The following RARB variants were observed in gnomAD, a reference collection of about 807,000 sequenced individuals.
RARB encodes the protein retinoic acid receptor beta.
A neutral mutation model predicts 51.9 loss-of-function variants in RARB; 17 were observed. That is an observed-to-expected ratio of 0.33 (90% CI 0.22 to 0.49). The LOEUF (loss-of-function observed/expected upper bound fraction) is 0.49, where lower values mean the gene tolerates loss of function less well. Ranked by LOEUF, RARB falls within the 20% of genes least tolerant of loss-of-function variation. The pLI is 0.99. For synonymous variants in RARB, 215 were observed against 195.4 expected (o/e 1.10, Z -0.84); for missense variants, 369 against 550.8 (o/e 0.67, Z 3.30).
chr3:25,504,147 T>A (rs1238754489), intron 3 of RARB, among the ~76,000 whole-genome samples: 1 of 152,238 alleles, frequency 6.6e-6, no homozygotes, highest in East Asian at 1.9e-4. Flanking sequence ...TCTACGCATG[T>A]CACTGAACAG....
At chr3:25,350,215 T>G (rs1705520203) in intron 5 of RARB, among the ~76,000 whole-genome samples, 1 of 152,170 alleles carries the variant, frequency 6.6e-6, no homozygotes, top group Non-Finnish European at 1.5e-5. Flanking sequence ...CACAGGGGCA[T>G]GGACACCAGC....
At chr3:25,349,199 T>C (rs1348514698) in intron 5 of RARB, among the ~76,000 whole-genome samples, 1 of 152,210 alleles carries the variant, frequency 6.6e-6, no homozygotes, top group Non-Finnish European at 1.5e-5. Context: ...TGACAGTGAC[T>C]TGCACTACCT....
chr3:25,238,433 A>G (rs1000807014), intron 5 of RARB, among the ~76,000 whole-genome samples: 9 of 152,176 alleles, frequency 5.9e-5, no homozygotes, highest in African/African-American at 2.2e-4. Context: ...AAATGATTCC[A>G]TATCTTTGAT....
At chr3:25,589,834 G>A (rs932909921) in intron 5 of RARB, among the ~76,000 whole-genome samples, 35 of 152,224 alleles carry the variant, frequency 2.3e-4, no homozygotes, top group Admixed American at 5.9e-4. Flanking sequence ...TACCCATCTC[G>A]TGGGGCCTGC....
At chr3:24,875,222 T>G (rs971809646) in intron 2 of RARB, among the ~76,000 whole-genome samples, 1 of 152,182 alleles carries the variant, frequency 6.6e-6, no homozygotes, top group Non-Finnish European at 1.5e-5. Context: ...ATATTTTTAG[T>G]GAACCAACTG....
chr3:25,283,620 C>T (rs995616633), intron 5 of RARB, among the ~76,000 whole-genome samples: 1 of 152,200 alleles, frequency 6.6e-6, no homozygotes, highest in Non-Finnish European at 1.5e-5. Context: ...GTCAGACTGA[C>T]TGTTTCTCTC....
chr3:25,501,443 A>C, intron 3 of RARB, 120 bp downstream of exon 3: 1 of 1,215,200 alleles, frequency 8.2e-7, no homozygotes, highest in South Asian at 1.5e-5. Flanking sequence ...GGTAGGTGTG[A>C]ATAGAGATGA....
intron 1 of RARB, among the ~76,000 whole-genome samples, chr3:24,843,776 C>G (rs1455769133): frequency 6.6e-6 from 1 of 152,114 alleles, no homozygotes; most frequent in Non-Finnish European, 1.5e-5. Context: ...AATTCGTGTG[C>G]ACAGCCAAGT....
At chr3:25,251,472 A>T (rs575810243) in intron 5 of RARB, among the ~76,000 whole-genome samples, 1 of 152,262 alleles carries the variant, frequency 6.6e-6, no homozygotes, top group East Asian at 1.9e-4. Context: ...AATAAATTTT[A>T]CATTCTTGTT....
intron 3 of RARB, among the ~76,000 whole-genome samples, chr3:25,101,835 T>A (rs932636670): frequency 1.3e-5 from 2 of 152,070 alleles, no homozygotes; most frequent in Non-Finnish European, 2.9e-5. Context: ...CTTCCCCATA[T>A]CCTCTTCCAC....
intron 1 of RARB, among the ~76,000 whole-genome samples, chr3:24,856,945 T>C (rs1702644426): frequency 6.6e-6 from 1 of 152,164 alleles, no homozygotes; most frequent in Admixed American, 6.6e-5. Flanking sequence ...ATTGATTTAT[T>C]TGGTAGAGAA....
chr3:25,326,864 C>G (rs57386420), intron 5 of RARB, among the ~76,000 whole-genome samples: 27,109 of 151,408 alleles, frequency 0.18, 2,509 homozygotes, highest in African/African-American at 0.21. Flanking sequence ...TATACTTTAA[C>G]TTTTAGGGTA....
intron 1 of RARB, among the ~76,000 whole-genome samples, chr3:25,440,569 G>C (rs1708625796): frequency 1.3e-5 from 2 of 151,990 alleles, no homozygotes; most frequent in Non-Finnish European, 2.9e-5. Flanking sequence ...TCAGGAATTC[G>C]AGACCAGACT....
chr3:25,232,973 CT>C (rs71061205), intron 5 of RARB, among the ~76,000 whole-genome samples: 3,437 of 118,738 alleles, frequency 0.029, 33 homozygotes, highest in Non-Finnish European at 0.042. Context: ...TTTTCTTTTT[CT>C]TTTTTTTTTT....
chr3:25,470,871 G>C (rs1390152961), intron 2 of RARB, among the ~76,000 whole-genome samples: 1 of 152,144 alleles, frequency 6.6e-6, no homozygotes, highest in Non-Finnish European at 1.5e-5. Flanking sequence ...ATAAACTCCA[G>C]GAGGGCTGGG....
At chr3:25,275,065 C>G (rs1559340563) in intron 5 of RARB, among the ~76,000 whole-genome samples, 1 of 152,200 alleles carries the variant, frequency 6.6e-6, no homozygotes, top group Non-Finnish European at 1.5e-5. Context: ...TCTCTTGGCC[C>G]CATGCTCTTA....
chr3:25,481,712 T>A (rs1347743338), intron 2 of RARB, among the ~76,000 whole-genome samples: 1 of 152,222 alleles, frequency 6.6e-6, no homozygotes, highest in Non-Finnish European at 1.5e-5. Context: ...TACATCCAAC[T>A]TACCTTCTTT....
chr3:25,066,554 C>T (rs1416577159), intron 3 of RARB, among the ~76,000 whole-genome samples: 1 of 152,002 alleles, frequency 6.6e-6, no homozygotes, highest in Non-Finnish European at 1.5e-5. Flanking sequence ...ATTTTACTCT[C>T]CTGATTCTGT....
chr3:25,526,517 G>C (rs774272505), intron 3 of RARB, among the ~76,000 whole-genome samples: 1 of 152,158 alleles, frequency 6.6e-6, no homozygotes. Flanking sequence ...TGATGGCTTG[G>C]ACTAATGGAG....
Sources: allele counts gnomAD v4.1 joint callset (sites outside exome capture counted in the v4.1 genomes callset), GRCh38; gene constraint gnomAD v4.1.1; transcripts MANE v1.5; gene names NCBI Gene and HGNC (gene_info 2026-07-23, HGNC 2026-07-21).